Variants in SEPTIN9 observed in about 807,000 individuals in gnomAD.
The protein encoded by SEPTIN9 is septin 9.
In SEPTIN9, 13 loss-of-function variants were observed where a neutral mutation model predicts 56.6. That is an observed-to-expected ratio of 0.23 (90% CI 0.15 to 0.37). The LOEUF is 0.37. SEPTIN9 is among the 10% of genes least tolerant of loss of function. SEPTIN9 has a pLI of 1.00. For synonymous variants in SEPTIN9, 332 were observed against 334.1 expected (o/e 0.99, Z 0.07); for missense variants, 650 against 823.1 (o/e 0.79, Z 2.57).
At chr17:77,350,076 T>C (rs2034008850) in intron 2 of SEPTIN9, among the ~76,000 whole-genome samples, 1 of 152,242 alleles carries the variant, frequency 6.6e-6, no homozygotes, top group Non-Finnish European at 1.5e-5. Flanking sequence ...GTCTCCAGCC[T>C]AGCACCCTTG....
chr17:77,336,413 GA>G lies in SEPTIN9; in HGVS notation c.76+29224del, dbSNP rs1318505501. On this transcript the variant is annotated intron_variant, in intron 2 of 11. Coordinates refer to ENST00000427177, the MANE Select transcript of SEPTIN9 (RefSeq NM_001113491.2). Reference sequence around the variant, plus strand: ...TTTGTATTTCTTTTATTTCTCTACTGAAAAAAAATCTCTACAGAATTACATT... The same window carrying G: ...TTTGTATTTCTTTTATTTCTCTACTGAAAAAAATCTCTACAGAATTACATT... Among the ~76,000 whole-genome samples, 3 of 151,682 alleles carry G rather than the reference GA, an allele frequency of 2.0e-5. No homozygotes were observed. The East Asian group carries it at 5.8e-4, about 29-fold the overall frequency.
chr17:77,479,406 C>T (rs2039355831), intron 3 of SEPTIN9, among the ~76,000 whole-genome samples: 4 of 152,196 alleles, frequency 2.6e-5, no homozygotes, highest in Admixed American at 1.3e-4. Flanking sequence ...GAGAGCGAGG[C>T]GGGCTCTTGC....
At chr17:77,301,925 C>T (rs1354547546) in intron 1 of SEPTIN9, among the ~76,000 whole-genome samples, 1 of 152,180 alleles carries the variant, frequency 6.6e-6, no homozygotes, top group African/African-American at 2.4e-5. Context: ...CAGCCCCATC[C>T]CTGCTCTGCC....
At chr17:77,376,064 A>G in intron 2 of SEPTIN9, 1 of 983,792 alleles carries the variant, frequency 1.0e-6, no homozygotes, top group Non-Finnish European at 1.2e-6. Context: ...AAAAGTCACC[A>G]CTAGCTAGCA....
chr17:77,365,032 A>C (rs1436689824), intron 2 of SEPTIN9, among the ~76,000 whole-genome samples: 1 of 152,238 alleles, frequency 6.6e-6, no homozygotes, highest in Non-Finnish European at 1.5e-5. Flanking sequence ...GAGATGCAGA[A>C]GAGACGATGT....
intron 2 of SEPTIN9, among the ~76,000 whole-genome samples, chr17:77,365,081 T>C (rs895530948): frequency 2.0e-5 from 3 of 152,200 alleles, no homozygotes; most frequent in Admixed American, 6.5e-5. Context: ...CTGTGGATGT[T>C]GGTGATCTTA....
chr17:77,468,260 A>G (rs188727616), intron 3 of SEPTIN9, among the ~76,000 whole-genome samples: 7 of 152,216 alleles, frequency 4.6e-5, no homozygotes, highest in Admixed American at 3.9e-4. Context: ...GTGAGACTCC[A>G]TCTCAAAAAA....
Position 77,456,805 on chromosome 17 carries a change from C to T in SEPTIN9, c.722-25339C>T, listed in dbSNP as rs1040889091. ...GCCAGTACCAGGTCTCAGGGACCAGCGCTGGGTCCCCACAGCCAAGGACAA... is the reference window on the plus strand; with the variant it reads ...GCCAGTACCAGGTCTCAGGGACCAGTGCTGGGTCCCCACAGCCAAGGACAA... On this transcript the variant is annotated intron_variant, in intron 3 of 11. Coordinates refer to ENST00000427177, the MANE Select transcript of SEPTIN9 (RefSeq NM_001113491.2). This position sits in a 1 kb window ranked among gnomAD's most constrained non-coding sequence, Gnocchi z 6.0. 9.9e-5 allele frequency among the ~76,000 whole-genome samples: 15 copies of T among 152,080 alleles called. No homozygotes were observed. Among genetic ancestry groups the T allele is most frequent in the East Asian group, 5.8e-4 (3 of 5,198 alleles).
chr17:77,302,697 A>G (rs746422862), intron 1 of SEPTIN9, among the ~76,000 whole-genome samples: 2 of 152,070 alleles, frequency 1.3e-5, no homozygotes, highest in Non-Finnish European at 2.9e-5. Context: ...AAATAAAGGG[A>G]GAGAAGCCTC....
intron 2 of SEPTIN9, among the ~76,000 whole-genome samples, chr17:77,363,440 T>G (rs1204311967): frequency 4.0e-5 from 5 of 125,908 alleles, no homozygotes; most frequent in Non-Finnish European, 7.8e-5. Flanking sequence ...CAGGCTGGAG[T>G]GCAGTGGTGT....
intron 3 of SEPTIN9, among the ~76,000 whole-genome samples, chr17:77,470,246 TCATCCACC>T (rs2038929525): frequency 1.4e-5 from 2 of 146,438 alleles, no homozygotes; most frequent in South Asian, 2.2e-4. Flanking sequence ...ATCCATCCAC[TCATCCACC>T]CATCCACTCA....
intron 3 of SEPTIN9, among the ~76,000 whole-genome samples, chr17:77,418,145 C>G (rs1302248862): frequency 5.3e-5 from 8 of 152,188 alleles, no homozygotes; most frequent in African/African-American, 1.9e-4. Flanking sequence ...AAACTGAGTT[C>G]CTGGAGAGGG....
chr17:77,324,080 C>T (rs2033042774), intron 2 of SEPTIN9, among the ~76,000 whole-genome samples: 1 of 152,218 alleles, frequency 6.6e-6, no homozygotes, highest in East Asian at 1.9e-4. Flanking sequence ...CTTGGCGTTC[C>T]TTGGCTCGTG....
At chr17:77,380,862 G>A (rs1273968345) in intron 2 of SEPTIN9, among the ~76,000 whole-genome samples, 9 of 152,204 alleles carry the variant, frequency 5.9e-5, no homozygotes, top group South Asian at 2.1e-4. Flanking sequence ...CCGTTGTCTC[G>A]TGCCACCTGG....
At chr17:77,416,705 C>T (rs548630180) in intron 3 of SEPTIN9, among the ~76,000 whole-genome samples, 3 of 152,328 alleles carry the variant, frequency 2.0e-5, no homozygotes, top group Non-Finnish European at 2.9e-5. Flanking sequence ...CACCGGGATA[C>T]GGACAGCAGC....
chr17:77,471,971 C>A (rs180982115), intron 3 of SEPTIN9, among the ~76,000 whole-genome samples: 6 of 152,122 alleles, frequency 3.9e-5, no homozygotes, highest in East Asian at 1.9e-4. Flanking sequence ...TAGCCCCCCC[C>A]ACCACACACC....
chr17:77,492,913 C>CG lies in SEPTIN9; in HGVS notation c.1477-62dup, dbSNP rs2040092894. 6.9e-7 allele frequency: 1 copy of CG among 1,457,780 alleles called. No homozygotes were observed. 90.3% of individuals were successfully genotyped at this position (1,457,780 alleles called of 1,614,324 possible). The stretch of plus-strand genomic sequence containing the variant: ...ACCCCAGGCTCAGGGCAGCTCCTCC[C>CG]GGGGGCCCAGGGGAGGGAATTGCCT... On this transcript the variant is annotated intron_variant, in intron 9 of 11. Coordinates refer to ENST00000427177, the MANE Select transcript of SEPTIN9 (RefSeq NM_001113491.2). The surrounding 1 kb of genome is among the most constrained non-coding windows in gnomAD (Gnocchi z 5.4).
chr17:77,281,991 C>G (rs1292645098), intron 1 of SEPTIN9: 1 of 167,264 alleles, frequency 6.0e-6, no homozygotes, highest in Non-Finnish European at 1.3e-5. Flanking sequence ...GGTTTCTCCT[C>G]TACTTAGTGG....
At position 77,308,278 on chromosome 17, in the gene SEPTIN9, C is replaced by T. The variant is rs75708896; in HGVS notation, c.76+1081C>T. On this transcript the variant is annotated intron_variant, in intron 2 of 11. Transcript: ENST00000427177. ...GAGGAGACAAAGTTACCAAAGGACA[C>T]GGACCCGGAGTCAAATCCACACAAA... Among the ~76,000 whole-genome samples, 528 of 152,330 alleles carry T rather than the reference C, an allele frequency of 3.5e-3. 1 individual carries two copies. Among genetic ancestry groups the T allele is most frequent in the African/African-American group, 0.012 (489 of 41,578 alleles).
Sources: allele counts gnomAD v4.1 joint callset (sites outside exome capture counted in the v4.1 genomes callset), GRCh38; gene constraint gnomAD v4.1.1; non-coding constraint Gnocchi (gnomAD v3.1); transcripts MANE v1.5; gene names NCBI Gene and HGNC (gene_info 2026-07-23, HGNC 2026-07-21).